Variants in PXDN observed in about 807,000 individuals in gnomAD.
PXDN encodes peroxidasin homolog.
A neutral mutation model predicts 140.3 loss-of-function variants in PXDN; 77 were observed. The observed-to-expected ratio is 0.55, with a 90% CI of 0.46 to 0.66. PXDN has a LOEUF of 0.66. Ranked by LOEUF, PXDN falls within the 30% of genes least tolerant of loss-of-function variation. The pLI is 0.00. For synonymous variants in PXDN, 911 were observed against 857.4 expected, an observed-to-expected ratio of 1.06 and a Z score of -1.09; for missense variants, 1,838 against 2,039.5, an observed-to-expected ratio of 0.90 and a Z score of 1.90.
rs543169396 is a variant in PXDN at position 1,639,651 on chromosome 2, C to T, written c.3953-229G>A. Among the ~76,000 whole-genome samples the T allele has an allele frequency of 6.6e-6, 1 of 152,218 alleles. No individual in the cohort carries two copies. Among genetic ancestry groups the T allele is most frequent in the African/African-American group, 2.4e-5 (1 of 41,562 alleles). Reference sequence around the variant, plus strand: ...GCCCTCATGACCTCCTGGTGCTGGCCGCCCTGAGGACAGCTGGGCACACTG... The same window carrying T: ...GCCCTCATGACCTCCTGGTGCTGGCTGCCCTGAGGACAGCTGGGCACACTG... On this transcript the variant is annotated intron_variant, in intron 19 of 22. Coordinates refer to ENST00000252804, the MANE Select transcript of PXDN (RefSeq NM_012293.3). The surrounding 1 kb of genome is among the most constrained non-coding windows in gnomAD (Gnocchi z 5.0).
intron 1 of PXDN, among the ~76,000 whole-genome samples, chr2:1,742,900 C>T (rs1373734145): frequency 1.3e-5 from 2 of 152,216 alleles, no homozygotes; most frequent in African/African-American, 2.4e-5. Flanking sequence ...CACTTTGTTT[C>T]GGAGGTAGGC....
Position 1,648,012 on chromosome 2 carries a change from C to A in PXDN, c.3608+160G>T, listed in dbSNP as rs1268139023. On this transcript the variant is annotated intron_variant, in intron 17 of 22. Coordinates refer to ENST00000252804, the MANE Select transcript of PXDN (RefSeq NM_012293.3). This position sits in a 1 kb window ranked among gnomAD's most constrained non-coding sequence, Gnocchi z 8.9. Reference sequence around the variant, plus strand: ...CCCACAACCACGCAGCCACGGGAGGCTGCAGGTTCCCATCTTGACCTTCAT... The same window carrying A: ...CCCACAACCACGCAGCCACGGGAGGATGCAGGTTCCCATCTTGACCTTCAT... Among the ~76,000 whole-genome samples the A allele has an allele frequency of 7.9e-5, 12 of 152,152 alleles. No homozygotes were observed. Among genetic ancestry groups the A allele is most frequent in the Non-Finnish European group, 1.5e-5 (1 of 68,032 alleles).
chr2:1,738,529 C>T (rs559848734), intron 1 of PXDN, among the ~76,000 whole-genome samples: 9 of 150,818 alleles, frequency 6.0e-5, no homozygotes, highest in African/African-American at 1.9e-4. Flanking sequence ...TGGGAATCAG[C>T]ATAATGCAAG....
At position 1,728,859 on chromosome 2, in the gene PXDN, G is replaced by C. The variant is rs370875090; in HGVS notation, c.200+15397C>G. Among the ~76,000 whole-genome samples the C allele has an allele frequency of 5.9e-5, 9 of 152,302 alleles. 1 individual carries two copies. The highest frequency in any genetic ancestry group is 2.2e-4 in the African/African-American group (9 of 41,562). ...AACAGGAGGATTTGAAAAAACTTTT[G>C]TGGCCACAGATATAGCCCTGCGAGT... On this transcript the variant is annotated intron_variant, in intron 1 of 22. Transcript: ENST00000252804.
In PXDN at chr2:1,649,589, T is replaced by C. The variant is rs1682964968; in HGVS notation, c.2191A>G (p.Asn731Asp). The part of the protein sequence containing the change: ...SGCTAHRRVN[N>D]CSDMCFHQKY... ...TGGTGGAAGCACATGTCCGAGCAGT[T>C]GTTCACGCGCCGGTGGGCGGTACAG... Residue 731 changes from asparagine to aspartate, a missense_variant, in exon 17 of 23, where the codon AAC becomes GAC. By Grantham distance (23) the Asn-to-Asp change is conservative. Around this residue, in one of 5 missense-constraint regions of PXDN, gnomAD observed 537 missense variants for 583.9 expected, o/e 0.92. Coordinates refer to ENST00000252804, the MANE Select transcript of PXDN (RefSeq NM_012293.3). The surrounding 1 kb of genome is among the most constrained non-coding windows in gnomAD (Gnocchi z 7.1). 1 of 1,614,018 alleles carries C rather than the reference T, an allele frequency of 6.2e-7. No individual in the cohort carries two copies. Among genetic ancestry groups the C allele is most frequent in the African/African-American group, 1.3e-5 (1 of 75,054 alleles).
intron 3 of PXDN, among the ~76,000 whole-genome samples, chr2:1,688,987 C>T (rs560757434): frequency 1.3e-5 from 2 of 152,206 alleles, no homozygotes; most frequent in South Asian, 4.2e-4. Context: ...TCCCTCCCTG[C>T]GAATTTGCAG....
intron 1 of PXDN, among the ~76,000 whole-genome samples, chr2:1,711,918 C>T (rs1367740442): frequency 6.6e-6 from 1 of 152,208 alleles, no homozygotes; most frequent in Non-Finnish European, 1.5e-5. Flanking sequence ...AGGTCCTCCT[C>T]ATCCAAAGCT....
intron 1 of PXDN, among the ~76,000 whole-genome samples, chr2:1,724,144 CACA>C (rs1685118657): frequency 3.9e-5 from 6 of 152,172 alleles, no homozygotes; most frequent in Admixed American, 3.9e-4. Flanking sequence ...GTTTCTTTCC[CACA>C]ACAATTCTCA....
chr2:1,736,476 A>C (rs1239146746), intron 1 of PXDN, among the ~76,000 whole-genome samples: 1 of 152,148 alleles, frequency 6.6e-6, no homozygotes, highest in Non-Finnish European at 1.5e-5. Flanking sequence ...GTAGTCTTAC[A>C]TGGGTGTGGT....
At chr2:1,666,585 CG>C (rs903914016) in intron 9 of PXDN, 99 bp from the exon 10 acceptor site, 1 of 1,361,022 alleles carries the variant, frequency 7.3e-7, no homozygotes, top group African/African-American at 1.5e-5. Flanking sequence ...TATTTACCAC[CG>C]AAATAGGCAA....
At chr2:1,674,449 C>T (rs924252028) in intron 8 of PXDN, among the ~76,000 whole-genome samples, 2 of 152,360 alleles carry the variant, frequency 1.3e-5, no homozygotes, top group African/African-American at 2.4e-5. Context: ...TGTGGCACTG[C>T]ACCACGAAGA....
chr2:1,638,673 G>A (rs1682633151), intron 21 of PXDN, among the ~76,000 whole-genome samples, 173 bp downstream of exon 21: 2 of 152,170 alleles, frequency 1.3e-5, no homozygotes, highest in South Asian at 4.1e-4. Context: ...GTGGCACATG[G>A]CCCGGCCTGA....
chr2:1,654,473 C>A lies in PXDN; in HGVS notation c.1873G>T (p.Ala625Ser). The change falls in exon 15 of 23, where the codon GCT becomes TCT. Residue 625 changes from alanine to serine, a missense_variant. This residue lies in a region of PXDN where 537 missense variants were observed against 583.9 expected (regional missense o/e 0.92). Transcript: ENST00000252804. Reference sequence around the variant, plus strand: ...GCAATCGCTTCCACGATGGAGGTAGCTACAAACGGATCTCCATTTCGACTG... The same window carrying A: ...GCAATCGCTTCCACGATGGAGGTAGATACAAACGGATCTCCATTTCGACTG... ...DVSRNGDPFV[A>S]TSIVEAIATV... is the part of the protein sequence containing the mutation. The A allele has an allele frequency of 1.2e-6, 2 of 1,613,564 alleles. No individual in the cohort carries two copies. The highest frequency in any genetic ancestry group is 1.7e-6 in the Non-Finnish European group (2 of 1,179,568).
At chr2:1,671,787 G>C (rs928383558) in intron 9 of PXDN, among the ~76,000 whole-genome samples, 1 of 151,962 alleles carries the variant, frequency 6.6e-6, no homozygotes, top group Admixed American at 6.6e-5. Flanking sequence ...TTCTGTAAAG[G>C]GCCAGATTGG....
At chr2:1,683,069 G>T (rs1343201295) in intron 6 of PXDN, among the ~76,000 whole-genome samples, 1 of 151,890 alleles carries the variant, frequency 6.6e-6, no homozygotes, top group African/African-American at 2.4e-5. Flanking sequence ...TTAATTTGAT[G>T]AATTTAAAGA....
intron 19 of PXDN, among the ~76,000 whole-genome samples, chr2:1,641,206 C>T (rs181720853): frequency 6.6e-6 from 1 of 152,336 alleles, no homozygotes; most frequent in Non-Finnish European, 1.5e-5. Context: ...GGCTGGGGTA[C>T]AATGGCACGA....
intron 1 of PXDN, among the ~76,000 whole-genome samples, chr2:1,706,434 T>G (rs1276748298): frequency 1.3e-5 from 2 of 152,196 alleles, no homozygotes; most frequent in Admixed American, 6.5e-5. Flanking sequence ...GCCCCACTAA[T>G]AATACAACCT....
At chr2:1,678,007 T>C (rs1048148343) in intron 7 of PXDN, among the ~76,000 whole-genome samples, 2 of 152,140 alleles carry the variant, frequency 1.3e-5, no homozygotes, top group East Asian at 1.9e-4. Context: ...TCGACCCAAC[T>C]TGGGGCTGTC....
chr2:1,670,007 G>C (rs1047177755), intron 9 of PXDN, among the ~76,000 whole-genome samples: 1 of 152,062 alleles, frequency 6.6e-6, no homozygotes, highest in African/African-American at 2.4e-5. Context: ...ACTACCTATA[G>C]TCTTTATGCT....
Sources: allele counts gnomAD v4.1 joint callset (sites outside exome capture counted in the v4.1 genomes callset), GRCh38; gene constraint gnomAD v4.1.1; regional missense constraint gnomAD v4.1.1; non-coding constraint Gnocchi (gnomAD v3.1); transcripts MANE v1.5; gene names NCBI Gene and HGNC (gene_info 2026-07-23, HGNC 2026-07-21).